Variants in HCN1 observed in about 807,000 individuals in gnomAD.
HCN1 encodes the protein potassium/sodium hyperpolarization-activated cyclic nucleotide-gated channel 1.
A neutral mutation model predicts 78.9 loss-of-function variants in HCN1; 13 were observed. The observed-to-expected ratio is 0.16, with a 90% confidence interval of 0.11 to 0.26. The LOEUF (loss-of-function observed/expected upper bound fraction) is 0.26, where lower values mean the gene tolerates loss of function less well. HCN1 is among the 10% of genes least tolerant of loss of function. The pLI is 1.00. For synonymous variants in HCN1, 552 were observed against 455.5 expected, an observed-to-expected ratio of 1.21 and a Z score of -2.70; for missense variants, 810 against 1,154.3, an observed-to-expected ratio of 0.70 and a Z score of 4.32.
intron 4 of HCN1, among the ~76,000 whole-genome samples, chr5:45,392,867 A>C (rs977396659): frequency 6.6e-6 from 1 of 152,116 alleles, no homozygotes; most frequent in African/African-American, 2.4e-5. Context: ...GGAGAAGTTT[A>C]GCGTTTTTAT....
intron 6 of HCN1, among the ~76,000 whole-genome samples, chr5:45,286,637 T>C (rs1450974615): frequency 1.3e-5 from 2 of 152,018 alleles, no homozygotes; most frequent in South Asian, 4.1e-4. Flanking sequence ...GTATTGAAAA[T>C]ATTAGACACA....
At chr5:45,451,852 G>C (rs1337587838) in intron 3 of HCN1, among the ~76,000 whole-genome samples, 2 of 151,986 alleles carry the variant, frequency 1.3e-5, no homozygotes, top group African/African-American at 4.8e-5. Context: ...CCTTCCCCAT[G>C]TTGTAGGAAT....
chr5:45,346,542 G>A (rs879282126), intron 5 of HCN1, among the ~76,000 whole-genome samples: 10 of 152,128 alleles, frequency 6.6e-5, no homozygotes, highest in East Asian at 3.9e-4. Context: ...CACCATGAGC[G>A]AGCTGAAGCA....
At chr5:45,446,701 C>T (rs1428764988) in intron 3 of HCN1, among the ~76,000 whole-genome samples, 2 of 152,204 alleles carry the variant, frequency 1.3e-5, no homozygotes, top group African/African-American at 4.8e-5. Context: ...AGCAGAAACT[C>T]TACAAGTCAG....
At chr5:45,344,738 T>C (rs1019427213) in intron 5 of HCN1, among the ~76,000 whole-genome samples, 15 of 152,188 alleles carry the variant, frequency 9.9e-5, no homozygotes, top group Non-Finnish European at 1.9e-4. Flanking sequence ...CTTGGGCAGC[T>C]CTATCCCTGT....
chr5:45,381,670 G>A (rs1301619181), intron 4 of HCN1, among the ~76,000 whole-genome samples: 1 of 151,906 alleles, frequency 6.6e-6, no homozygotes, highest in Non-Finnish European at 1.5e-5. Context: ...AATCCAGCAA[G>A]TCCTGCCACT....
chr5:45,412,265 G>T (rs1740038653), intron 3 of HCN1, among the ~76,000 whole-genome samples: 1 of 152,000 alleles, frequency 6.6e-6, no homozygotes, highest in Non-Finnish European at 1.5e-5. Flanking sequence ...TTTTCTTTGG[G>T]CACTGGGAAT....
At chr5:45,614,004 C>A (rs1052332718) in intron 2 of HCN1, among the ~76,000 whole-genome samples, 18 of 152,022 alleles carry the variant, frequency 1.2e-4, no homozygotes, top group Non-Finnish European at 2.4e-4. Context: ...AGCTATTTAG[C>A]CTTAGGTTTA....
At position 45,303,457 on chromosome 5, in the gene HCN1, C is replaced by T. The variant is rs1579793644; in HGVS notation, c.1618+142G>A. On this transcript the variant is annotated intron_variant, in intron 6 of 7. Transcript: ENST00000303230. ...CCTGTGACTCTGAAATATGAAAACA[C>T]TGTTATAGACACTTTTATCAGAATT... is the stretch of plus-strand genomic sequence containing the variant. The T allele has an allele frequency of 1.9e-5, 15 of 780,752 alleles. No individual in the cohort carries two copies. In the South Asian group the frequency reaches 2.0e-4, roughly 10 times the overall value. The allele number at this position is 780,752 out of a possible 1,614,324, so 48.4% of individuals were successfully genotyped here.
At chr5:45,579,939 G>C (rs539608725) in intron 2 of HCN1, among the ~76,000 whole-genome samples, 2 of 152,138 alleles carry the variant, frequency 1.3e-5, no homozygotes, top group East Asian at 3.9e-4. Context: ...CTTTCGGATG[G>C]TCAAAGTGTC....
At chr5:45,394,449 T>C (rs1739646105) in intron 4 of HCN1, among the ~76,000 whole-genome samples, 1 of 152,126 alleles carries the variant, frequency 6.6e-6, no homozygotes, top group Non-Finnish European at 1.5e-5. Flanking sequence ...CCAAAGAAGC[T>C]GCACATTACT....
intron 3 of HCN1, among the ~76,000 whole-genome samples, chr5:45,402,213 C>T (rs1739827701): frequency 6.6e-6 from 1 of 152,084 alleles, no homozygotes; most frequent in African/African-American, 2.4e-5. Context: ...AGTCCTTAAA[C>T]ATTTTCAGTA....
chr5:45,539,662 C>T (rs1435217692), intron 2 of HCN1, among the ~76,000 whole-genome samples: 2 of 148,322 alleles, frequency 1.3e-5, no homozygotes, highest in African/African-American at 4.9e-5. Context: ...GAGACTCTGT[C>T]TCAAAAGAAA....
At chr5:45,656,765 G>C (rs893269561) in intron 1 of HCN1, among the ~76,000 whole-genome samples, 1 of 152,064 alleles carries the variant, frequency 6.6e-6, no homozygotes, top group African/African-American at 2.4e-5. Flanking sequence ...GTTAAGTTCT[G>C]TTTATAAATT....
At chr5:45,672,579 A>T (rs1746172316) in intron 1 of HCN1, among the ~76,000 whole-genome samples, 1 of 151,440 alleles carries the variant, frequency 6.6e-6, no homozygotes, top group Non-Finnish European at 1.5e-5. Flanking sequence ...AAAAAAAAAA[A>T]AAACTAAAGT....
chr5:45,321,370 G>C (rs1334323582), intron 5 of HCN1, among the ~76,000 whole-genome samples: 1 of 151,796 alleles, frequency 6.6e-6, no homozygotes, highest in African/African-American at 2.4e-5. Flanking sequence ...GAAGAAGAAA[G>C]TGGTGCTTAG....
At chr5:45,503,391 A>C (rs1206236412) in intron 2 of HCN1, among the ~76,000 whole-genome samples, 1 of 152,206 alleles carries the variant, frequency 6.6e-6, no homozygotes, top group Non-Finnish European at 1.5e-5. Flanking sequence ...CTAGGGAAGA[A>C]GAGAAAAAGA....
chr5:45,416,312 CT>C lies in HCN1; in HGVS notation c.1012-19603del, dbSNP rs963758468. The stretch of plus-strand genomic sequence containing the variant: ...ACTCGAGTGAGGAATGAAAATGTCC[CT>C]TCACAATGATATATTTATGCTTTCC... On this transcript the variant is annotated intron_variant, in intron 3 of 7. Transcript: ENST00000303230. Among the ~76,000 whole-genome samples the C allele has an allele frequency of 3.8e-4, 58 of 152,038 alleles. 1 individual carries two copies. Among genetic ancestry groups the C allele is most frequent in the Admixed American group, 3.3e-3 (50 of 15,232 alleles).
At chr5:45,321,145 A>C (rs935789664) in intron 5 of HCN1, among the ~76,000 whole-genome samples, 3 of 151,648 alleles carry the variant, frequency 2.0e-5, no homozygotes, top group Non-Finnish European at 2.9e-5. Context: ...TGTTTCCTCA[A>C]CGGTATCTCT....
Sources: gnomAD v4.1 joint callset for allele counts (sites outside exome capture counted in the v4.1 genomes callset) on GRCh38, gnomAD v4.1.1 for gene constraint, MANE v1.5 for transcripts, NCBI Gene and HGNC (gene_info 2026-07-23, HGNC 2026-07-21) for gene names.